ARHGAP19: variants seen among roughly 807,000 people sequenced by gnomAD.
ARHGAP19 encodes rho GTPase-activating protein 19.
In ARHGAP19, 48 loss-of-function variants were observed where a neutral mutation model predicts 60.9. The ratio of observed to expected loss-of-function variants is 0.79; its 90% CI spans 0.62 to 1.00. The LOEUF is 1.00. Among genes scored for constraint, ARHGAP19 ranks in the 50% least tolerant of loss-of-function variants. The pLI is 0.00. For missense variants in ARHGAP19, 562 were observed against 597.2 expected, an observed-to-expected ratio of 0.94 and a Z score of 0.61; for synonymous variants, 209 against 215.5, an observed-to-expected ratio of 0.97 and a Z score of 0.27.
chr10:97,252,901 G>A (rs531427924), intron 6 of ARHGAP19, among the ~76,000 whole-genome samples: 6 of 152,222 alleles, frequency 3.9e-5, no homozygotes, highest in African/African-American at 1.2e-4. Flanking sequence ...TGTAATCAAC[G>A]TAAGTGTCCA....
chr10:97,238,471 G>A (rs1842418141), intron 8 of ARHGAP19, among the ~76,000 whole-genome samples: 1 of 152,134 alleles, frequency 6.6e-6, no homozygotes, highest in Non-Finnish European at 1.5e-5. Context: ...TCCCACTTTG[G>A]CCTCCCAAAG....
chr10:97,242,839 G>A (rs927368185), intron 8 of ARHGAP19, among the ~76,000 whole-genome samples: 4 of 151,640 alleles, frequency 2.6e-5, no homozygotes, highest in African/African-American at 7.3e-5. Flanking sequence ...TAGTAGAGAC[G>A]GGGTTTCTCC....
At chr10:97,281,885 G>T (rs1843090240) in intron 1 of ARHGAP19, among the ~76,000 whole-genome samples, 1 of 152,074 alleles carries the variant, frequency 6.6e-6, no homozygotes, top group Admixed American at 6.6e-5. Flanking sequence ...GGTGCTTTTT[G>T]GTTTCTCAGG....
intron 8 of ARHGAP19, among the ~76,000 whole-genome samples, chr10:97,238,377 G>C (rs1842414954): frequency 6.6e-6 from 1 of 151,984 alleles, no homozygotes; most frequent in African/African-American, 2.4e-5. Context: ...ACACTAACGA[G>C]ACCAGTTAAT....
At chr10:97,271,778 G>A (rs1842961930) in intron 1 of ARHGAP19, among the ~76,000 whole-genome samples, 1 of 151,782 alleles carries the variant, frequency 6.6e-6, no homozygotes, top group Middle Eastern at 3.2e-3. Context: ...GCCTTCCAGA[G>A]GAGATATATA....
intron 9 of ARHGAP19, among the ~76,000 whole-genome samples, chr10:97,233,957 G>A (rs1589445117): frequency 6.6e-6 from 1 of 151,218 alleles, no homozygotes; most frequent in South Asian, 2.1e-4. Flanking sequence ...GTGGAGTGGG[G>A]GGAAGGAGAG....
At chr10:97,245,595 C>CAAAAAAAAAAA (rs397845381) in intron 7 of ARHGAP19, among the ~76,000 whole-genome samples, 99 of 112,342 alleles carry the variant, frequency 8.8e-4, no homozygotes, top group African/African-American at 3.5e-3. Context: ...AACCCTATCT[C>CAAAAAAAAAAA]AAAAAAAAAA....
chr10:97,241,454 C>T (rs1216087542), intron 8 of ARHGAP19, among the ~76,000 whole-genome samples: 1 of 151,178 alleles, frequency 6.6e-6, no homozygotes, highest in Non-Finnish European at 1.5e-5. Flanking sequence ...GTGGCTCACA[C>T]CTGTAATCCC....
chr10:97,280,730 A>C (rs1314512255), intron 1 of ARHGAP19, among the ~76,000 whole-genome samples: 1 of 152,080 alleles, frequency 6.6e-6, no homozygotes, highest in African/African-American at 2.4e-5. Context: ...TGCTAAGACT[A>C]AAGGTGTGTG....
intron 11 of ARHGAP19, among the ~76,000 whole-genome samples, chr10:97,228,240 A>G (rs1410085860): frequency 6.6e-6 from 1 of 152,244 alleles, no homozygotes; most frequent in African/African-American, 2.4e-5. Flanking sequence ...TGATGTCTCA[A>G]ATAGTAATTA....
intron 9 of ARHGAP19, among the ~76,000 whole-genome samples, chr10:97,234,970 T>C (rs1248227930): frequency 6.6e-6 from 1 of 152,160 alleles, no homozygotes; most frequent in Admixed American, 6.5e-5. Flanking sequence ...CCTTAGCCCC[T>C]TAGCCCCAGA....
rs760884040 is a variant in ARHGAP19 at position 97,266,136 on chromosome 10, C to T, written c.57-11G>A. 2.2e-5 allele frequency: 35 copies of T among 1,612,444 alleles called. No individual in the cohort carries two copies. In the East Asian group the frequency reaches 4.2e-4, roughly 20 times the overall value. ...CTGCAGATGGCATCACTGAAAAACA[C>T]AGAAGAAAATCTTTCGGGACATCAT... On this transcript the variant is annotated splice_polypyrimidine_tract_variant and intron_variant, in intron 1 of 11. Coordinates refer to ENST00000358531, the MANE Select transcript of ARHGAP19 (RefSeq NM_032900.6).
chr10:97,232,377 A>G (rs1457433326), intron 9 of ARHGAP19, among the ~76,000 whole-genome samples: 2 of 151,892 alleles, frequency 1.3e-5, no homozygotes, highest in Non-Finnish European at 2.9e-5. Context: ...GTTAGCCAGA[A>G]TGGTCTTAAT....
chr10:97,288,578 T>TA (rs923536030), intron 1 of ARHGAP19, among the ~76,000 whole-genome samples: 288 of 114,278 alleles, frequency 2.5e-3, no homozygotes, highest in African/African-American at 7.9e-3. Flanking sequence ...AGACTCCATC[T>TA]AAAAAAAAAA....
intron 1 of ARHGAP19, among the ~76,000 whole-genome samples, chr10:97,267,643 G>A (rs1490225672): frequency 2.0e-5 from 3 of 152,246 alleles, no homozygotes; most frequent in African/African-American, 4.8e-5. Flanking sequence ...TCTAGGCTGA[G>A]GTTCCCAAAC....
At chr10:97,254,965 C>T (rs575436286) in intron 6 of ARHGAP19, among the ~76,000 whole-genome samples, 5 of 152,238 alleles carry the variant, frequency 3.3e-5, no homozygotes, top group Non-Finnish European at 7.4e-5. Context: ...AAGGCAGTCA[C>T]AGAAAGACAA....
At chr10:97,279,464 T>G (rs945297736) in intron 1 of ARHGAP19, among the ~76,000 whole-genome samples, 10 of 142,182 alleles carry the variant, frequency 7.0e-5, no homozygotes, top group South Asian at 2.4e-4. Flanking sequence ...CAAATTTCTT[T>G]CTTGCTTGCT....
chr10:97,258,977 T>C (rs1490020324), intron 5 of ARHGAP19, among the ~76,000 whole-genome samples: 1 of 152,170 alleles, frequency 6.6e-6, no homozygotes, highest in Non-Finnish European at 1.5e-5. Flanking sequence ...CCAAGTGTCA[T>C]CTCATCTATA....
At chr10:97,245,872 C>A (rs1842556240) in intron 7 of ARHGAP19, among the ~76,000 whole-genome samples, 1 of 152,112 alleles carries the variant, frequency 6.6e-6, no homozygotes, top group African/African-American at 2.4e-5. Context: ...CACTCTTACA[C>A]AGAGGACACC....
Sources: gnomAD v4.1 joint callset for allele counts (sites outside exome capture counted in the v4.1 genomes callset) on GRCh38, gnomAD v4.1.1 for gene constraint, MANE v1.5 for transcripts, NCBI Gene and HGNC (gene_info 2026-07-23, HGNC 2026-07-21) for gene names.